HSF1: variants seen among roughly 807,000 people sequenced by gnomAD.
HSF1 encodes heat shock transcription factor 1, also known as heat shock factor protein 1.
In HSF1, 32 loss-of-function variants were observed where a neutral mutation model predicts 51.7. That is an observed-to-expected ratio of 0.62 (90% CI 0.47 to 0.83). The LOEUF (loss-of-function observed/expected upper bound fraction) is 0.83, where lower values mean the gene tolerates loss of function less well. HSF1 is among the 40% of genes least tolerant of loss of function. The pLI, the probability that HSF1 is intolerant of heterozygous loss-of-function variation, is 0.00. For synonymous variants in HSF1, 396 were observed against 309.7 expected, an observed-to-expected ratio of 1.28 and a Z score of -2.92; for missense variants, 727 against 717.0, an observed-to-expected ratio of 1.01 and a Z score of -0.16.
chr8:144,310,335 C>A lies in HSF1; in HGVS notation c.488+439C>A, dbSNP rs149241323. The A allele has an allele frequency of 9.9e-5, 16 of 161,098 alleles. No homozygotes were observed. In the East Asian group the frequency reaches 2.9e-3, roughly 30 times the overall value. The allele number at this position is 161,098 out of a possible 1,614,324, so 10.0% of individuals were successfully genotyped here. On this transcript the variant is annotated intron_variant, in intron 4 of 12. Coordinates refer to ENST00000528838, the MANE Select transcript of HSF1 (RefSeq NM_005526.4). ...GGAGCTAGCCCCCAGCCCCTCCTCA[C>A]CGGGACCCTGCGGCTCTGGGGAAAC... is the stretch of plus-strand genomic sequence containing the variant.
Position 144,314,173 on chromosome 8 carries a change from C to A in HSF1, c.1433C>A (p.Pro478His). 1 of 1,549,434 alleles carries A rather than the reference C, an allele frequency of 6.5e-7. No individual in the cohort carries two copies. The highest frequency in any genetic ancestry group is 8.7e-7 in the Non-Finnish European group (1 of 1,146,686). ...YTAQPLFLLDPGSVDTGSNDL... is the reference protein window; with the variant it reads ...YTAQPLFLLDHGSVDTGSNDL... ...GCGCAGCCGCTGTTCCTGCTGGACC[C>A]CGGCTCCGTGGACACCGGGAGCAAC... is the stretch of plus-strand genomic sequence containing the variant. Residue 478 changes from proline to histidine, a missense_variant, in exon 13 of 13, where the codon CCC (proline) becomes CAC (histidine). By Grantham distance (77) the Pro-to-His change is moderately conservative. Transcript: ENST00000528838.
At position 144,291,692 on chromosome 8, in the gene HSF1, G is replaced by A. The variant is rs532490971; in HGVS notation, c.-66G>A. On this transcript the variant is annotated 5_prime_UTR_variant, in exon 1 of 13. Coordinates refer to ENST00000528838, the MANE Select transcript of HSF1 (RefSeq NM_005526.4). This position sits in a 1 kb window ranked among gnomAD's most constrained non-coding sequence, Gnocchi z 4.1. ...CGGCCCGGAAGGCTGGCGCGGCGAC[G>A]GCGTTAGCCCGGCCCTCGGCCCCTC... 3.2e-6 allele frequency: 3 copies of A among 935,512 alleles called. No individual in the cohort carries two copies. Among genetic ancestry groups the A allele is most frequent in the South Asian group, 3.3e-5 (2 of 60,624 alleles). 58.0% of individuals were successfully genotyped at this position (935,512 alleles called of 1,614,324 possible).
At chr8:144,296,615 G>A (rs1815478092) in intron 1 of HSF1, among the ~76,000 whole-genome samples, 1 of 152,180 alleles carries the variant, frequency 6.6e-6, no homozygotes, top group South Asian at 2.1e-4. Flanking sequence ...GACCATCCTG[G>A]CTAACATGGT....
intron 9 of HSF1, chr8:144,313,200 T>G (rs1003870156): frequency 2.4e-6 from 1 of 424,090 alleles, no homozygotes; most frequent in Non-Finnish European, 4.3e-6. Flanking sequence ...TCACCAACCC[T>G]GAACACTGAA....
chr8:144,314,083 TG>T, intron 12 of HSF1, 29 bp downstream of exon 12: 1 of 1,245,310 alleles, frequency 8.0e-7, no homozygotes. Context: ...GCCCCACCTC[TG>T]CCCCCAACCC....
chr8:144,295,264 G>A (rs1815378683), intron 1 of HSF1, among the ~76,000 whole-genome samples: 1 of 152,240 alleles, frequency 6.6e-6, no homozygotes. Flanking sequence ...AGAAAGTGAA[G>A]CCTCAGAACT....
chr8:144,306,322 T>A (rs1816229290), intron 1 of HSF1, among the ~76,000 whole-genome samples: 1 of 151,946 alleles, frequency 6.6e-6, no homozygotes, highest in Non-Finnish European at 1.5e-5. Flanking sequence ...CCTAGCTTCT[T>A]GTTTCTTTGC....
chr8:144,311,743 A>C lies in HSF1; in HGVS notation c.767A>C (p.Asp256Ala). 6.2e-7 allele frequency: 1 copy of C among 1,612,840 alleles called. No individual in the cohort carries two copies. The highest frequency in any genetic ancestry group is 1.1e-5 in the South Asian group (1 of 91,024). The change falls in exon 8 of 13, where the codon GAT becomes GCT. Residue 256 changes from aspartate (D) to alanine (A), a missense_variant. Physicochemically the swap from Asp to Ala is moderately radical, Grantham distance 126 (BLOSUM62 -2). Transcript: ENST00000528838. Reference sequence around the variant, plus strand: ...AGCAGCTCCAGCCTCTACGCCCCTGATGCTGTGGCCAGCTCTGGACCCATC... The same window carrying C: ...AGCAGCTCCAGCCTCTACGCCCCTGCTGCTGTGGCCAGCTCTGGACCCATC... ...AYSSSSLYAP[D>A]AVASSGPIIS...
rs945809669 is a variant in HSF1, at chr8:144,309,755, C to T, written c.364-17C>T. 12 of 1,612,050 alleles carry T rather than the reference C, an allele frequency of 7.4e-6. No individual in the cohort carries two copies. Among genetic ancestry groups the T allele is most frequent in the East Asian group, 2.2e-5 (1 of 44,800 alleles). ...CCTAGGCTGCTCCAGTGACTCCTGTCCCTCTCGGGAATCCAGGTGTCCACC... is the reference window on the plus strand; with the variant it reads ...CCTAGGCTGCTCCAGTGACTCCTGTTCCTCTCGGGAATCCAGGTGTCCACC... On this transcript the variant is annotated splice_polypyrimidine_tract_variant and intron_variant, in intron 3 of 12. Transcript: ENST00000528838.
At chr8:144,305,723 ATTTTTTT>A (rs146075122) in intron 1 of HSF1, among the ~76,000 whole-genome samples, 1 of 78,492 alleles carries the variant, frequency 1.3e-5, no homozygotes. Context: ...CCTCTGGTTA[ATTTTTTT>A]TTTTTTTTTT....
At chr8:144,313,357 G>A in intron 9 of HSF1, 154 bp from the exon 10 acceptor site, 1 of 591,714 alleles carries the variant, frequency 1.7e-6, no homozygotes, top group Non-Finnish European at 3.0e-6. Context: ...TGCCTTCCAG[G>A]CCGTCCTCGA....
intron 2 of HSF1, 151 bp downstream of exon 2, chr8:144,309,165 A>G: frequency 1.4e-6 from 1 of 698,070 alleles, no homozygotes; most frequent in Non-Finnish European, 2.4e-6. Context: ...GCCGGGGAGC[A>G]GCCGCCTCTT....
intron 10 of HSF1, 91 bp downstream of exon 10, chr8:144,313,707 G>GCCTCCCCGCGCCTCCCCGCCTCC (rs1260669415): frequency 5.3e-5 from 2 of 37,434 alleles, no homozygotes; most frequent in African/African-American, 3.7e-4. Context: ...TCCCCGCGCC[G>GCCTCCCCGCGCCTCCCCGCCTCC]CCGCCCCGCC....
At position 144,313,590 on chromosome 8, in the gene HSF1, A is replaced by G; in HGVS notation, c.1222A>G (p.Ser408Gly). The G allele has an allele frequency of 6.2e-7, 1 of 1,609,176 alleles. No homozygotes were observed. Among genetic ancestry groups the G allele is most frequent in the Admixed American group, 1.7e-5 (1 of 59,890 alleles). The change falls in exon 10 of 13, where the codon AGC (serine) becomes GGC (glycine). Residue 408 changes from serine (S) to glycine (G), a missense_variant. Physicochemically the swap from Ser to Gly is moderately conservative, Grantham distance 56. This residue lies in a region of HSF1 where 470 missense variants were observed against 398.8 expected (regional missense o/e 1.18). Transcript: ENST00000528838. The part of the protein sequence containing the change: ...LQTMLSSHGF[S>G]VDTSALLDLF... ...GACCATGCTGAGCAGCCACGGCTTC[A>G]GCGTGGACACCAGTGCCCTGCTGGA...
chr8:144,312,181 G>T lies in HSF1; in HGVS notation c.1079G>T (p.Arg360Leu). The stretch of plus-strand genomic sequence containing the variant: ...AGGGGCCACACGGACACCGAGGGCC[G>T]GCCTCCCTCCCCCCCGCCCACCTCC... ...DARGHTDTEG[R>L]PPSPPPTSTP... The change falls in exon 9 of 13, where the codon CGG becomes CTG. Residue 360 changes from arginine to leucine, a missense_variant. Coordinates refer to ENST00000528838, the MANE Select transcript of HSF1 (RefSeq NM_005526.4). 1 of 1,601,944 alleles carries T rather than the reference G, an allele frequency of 6.2e-7. No homozygotes were observed. The highest frequency in any genetic ancestry group is 8.5e-7 in the Non-Finnish European group (1 of 1,172,512).
chr8:144,308,607 T>C (rs997091333), intron 1 of HSF1, among the ~76,000 whole-genome samples: 41 of 151,898 alleles, frequency 2.7e-4, no homozygotes, highest in Admixed American at 1.1e-3. Flanking sequence ...AACGTGGCCT[T>C]CTCTGGAAGC....
intron 1 of HSF1, among the ~76,000 whole-genome samples, chr8:144,298,366 G>A (rs1815614324): frequency 6.6e-6 from 1 of 152,000 alleles, no homozygotes; most frequent in African/African-American, 2.4e-5. Flanking sequence ...GGAGGCTGAG[G>A]CGGTTGGATC....
At chr8:144,299,726 G>A (rs1249253406) in intron 1 of HSF1, among the ~76,000 whole-genome samples, 5 of 152,058 alleles carry the variant, frequency 3.3e-5, no homozygotes, top group South Asian at 2.1e-4. Flanking sequence ...TGGCTAACAT[G>A]GTGAAACCCC....
chr8:144,300,387 TG>T (rs1246581679), intron 1 of HSF1, among the ~76,000 whole-genome samples: 1 of 151,956 alleles, frequency 6.6e-6, no homozygotes, highest in Non-Finnish European at 1.5e-5. Context: ...CGGCTAATTT[TG>T]TTGTATTTTT....
Sources: gnomAD v4.1 joint callset for allele counts (sites outside exome capture counted in the v4.1 genomes callset) on GRCh38, gnomAD v4.1.1 for gene constraint, gnomAD v4.1.1 regional missense constraint, Gnocchi (gnomAD v3.1) non-coding constraint, MANE v1.5 for transcripts, NCBI Gene and HGNC (gene_info 2026-07-23, HGNC 2026-07-21) for gene names.